The following PAK3 variants were observed in gnomAD, a reference collection of about 807,000 sequenced individuals.
The protein encoded by PAK3 is serine/threonine-protein kinase PAK 3.
Under a neutral mutation model 41.0 loss-of-function variants are expected in PAK3, and 4 were observed. That is an observed-to-expected ratio of 0.10 (90% CI 0.05 to 0.22). The LOEUF (loss-of-function observed/expected upper bound fraction) is 0.22, where lower values mean the gene tolerates loss of function less well. Ranked by LOEUF, PAK3 falls within the 10% of genes least tolerant of loss-of-function variation. PAK3 has a pLI of 1.00. For synonymous variants in PAK3, 146 were observed against 139.6 expected, an observed-to-expected ratio of 1.05 and a Z score of -0.32; for missense variants, 205 against 409.9, an observed-to-expected ratio of 0.50 and a Z score of 4.32.
intron 4 of PAK3, among the ~76,000 whole-genome samples, chrX:111,118,583 T>G (rs2093511130): frequency 9.0e-6 from 1 of 111,243 alleles, no homozygotes; most frequent in African/African-American, 3.3e-5. Context: ...CCTTGGTGTG[T>G]GCTCAGATTT....
At chrX:111,096,088 T>C (rs1195854732), upstream of PAK3, among the ~76,000 whole-genome samples, 1 of 111,459 alleles carries the variant, frequency 9.0e-6, no homozygotes, top group Non-Finnish European at 1.9e-5. Flanking sequence ...CTCAGGGCGA[T>C]TTTAGTTTTA....
At chrX:111,015,965 T>C (rs1365342539) in intron 1 of PAK3, among the ~76,000 whole-genome samples, 5 of 112,325 alleles carry the variant, frequency 4.5e-5, no homozygotes, top group Non-Finnish European at 7.5e-5. Flanking sequence ...TTAAGTTCAA[T>C]GTAGTCATAT....
At chrX:111,155,892 T>C (rs993065511) in intron 8 of PAK3, among the ~76,000 whole-genome samples, 12 of 111,686 alleles carry the variant, frequency 1.1e-4, no homozygotes, top group African/African-American at 3.3e-4. Flanking sequence ...AGGAAATAAG[T>C]CTTGAAGGTT....
intron 4 of PAK3, among the ~76,000 whole-genome samples, chrX:111,116,311 C>T (rs1381278597): frequency 1.8e-5 from 2 of 111,233 alleles, no homozygotes; most frequent in Non-Finnish European, 3.8e-5. Flanking sequence ...ATATTTCTAC[C>T]TCTATTCTTT....
chrX:111,151,286 G>A (rs143622322), intron 7 of PAK3, among the ~76,000 whole-genome samples: 24 of 112,544 alleles, frequency 2.1e-4, no homozygotes, highest in African/African-American at 7.4e-4. Flanking sequence ...ATCAGAGTTT[G>A]TTCTTTACTC....
At chrX:111,089,764 G>A (rs1432416518) in intron 1 of PAK3, among the ~76,000 whole-genome samples, 2 of 111,006 alleles carry the variant, frequency 1.8e-5, no homozygotes, top group Non-Finnish European at 3.8e-5. Flanking sequence ...TACAGCTGGA[G>A]TGTGACAATC....
intron 1 of PAK3, among the ~76,000 whole-genome samples, chrX:110,974,449 G>C (rs1054336730): frequency 2.7e-5 from 3 of 111,833 alleles, no homozygotes; most frequent in Non-Finnish European, 5.6e-5. Context: ...AACAGGCTCT[G>C]AAATTGAGGC....
chrX:111,141,747 T>A (rs2093876004), intron 5 of PAK3, among the ~76,000 whole-genome samples: 1 of 112,260 alleles, frequency 8.9e-6, no homozygotes, highest in South Asian at 3.7e-4. Context: ...GCTTGACTTG[T>A]ATATGATGAA....
chrX:111,106,266 G>A (rs1441308130), intron 4 of PAK3, among the ~76,000 whole-genome samples: 2 of 111,819 alleles, frequency 1.8e-5, no homozygotes, highest in Admixed American at 1.9e-4. Context: ...ATAATGACAT[G>A]CACAGTCACT....
At chrX:111,084,735 C>T (rs1372684934) in intron 1 of PAK3, among the ~76,000 whole-genome samples, 1 of 112,316 alleles carries the variant, frequency 8.9e-6, no homozygotes, top group Non-Finnish European at 1.9e-5. Context: ...ACAGCTGAGT[C>T]ATCCAGCCTC....
In PAK3 at chrX:110,979,291, C is replaced by CTTTTTTTTT; in HGVS notation, c.-28+34667_-28+34668insTTTTTTTTT. Reference sequence around the variant, plus strand: ...CTTGTTTTATTCATTTTCTCTATTACTTTTCTTTTTTTTTTTTTTTTTTTT... The same window carrying CTTTTTTTTT: ...CTTGTTTTATTCATTTTCTCTATTACTTTTTTTTTTTTTCTTTTTTTTTTTTTTTTTTTT... On this transcript the variant is annotated intron_variant, in intron 1 of 14. Transcript: ENST00000425146. 3.0e-4 allele frequency among the ~76,000 whole-genome samples: 6 copies of CTTTTTTTTT among 19,827 alleles called. 1 individual carries two copies. Among genetic ancestry groups the CTTTTTTTTT allele is most frequent in the Non-Finnish European group, 5.2e-4 (3 of 5,822 alleles). 17.2% of individuals were successfully genotyped at this position (19,827 alleles called of 115,157 possible).
rs2094694372 is a variant in PAK3, at chrX:111,202,428, A to T, written c.1407+5788A>T. Reference sequence around the variant, plus strand: ...TTGTACTCAACATAATTGGCCTTGGACATGTTGTTCTGTGACCTATAGACA... The same window carrying T: ...TTGTACTCAACATAATTGGCCTTGGTCATGTTGTTCTGTGACCTATAGACA... On this transcript the variant is annotated intron_variant, in intron 16 of 17. Transcript: ENST00000372007. 1.8e-5 allele frequency among the ~76,000 whole-genome samples: 2 copies of T among 111,216 alleles called. 1 individual carries two copies. The highest frequency in any genetic ancestry group is 1.9e-4 in the Admixed American group (2 of 10,396).
intron 1 of PAK3, among the ~76,000 whole-genome samples, chrX:111,087,951 C>A (rs904995364): frequency 4.0e-4 from 44 of 109,819 alleles, no homozygotes; most frequent in Non-Finnish European, 7.8e-4. Context: ...AGAATAACCA[C>A]AAGCCTGTGG....
At chrX:111,083,929 G>T (rs1271718266) in intron 1 of PAK3, among the ~76,000 whole-genome samples, 1 of 112,720 alleles carries the variant, frequency 8.9e-6, no homozygotes, top group African/African-American at 3.2e-5. Flanking sequence ...ATTGAACAGA[G>T]AGTGGTGATC....
At chrX:110,987,642 C>T (rs1237342732) in intron 1 of PAK3, among the ~76,000 whole-genome samples, 1 of 111,796 alleles carries the variant, frequency 8.9e-6, no homozygotes, top group African/African-American at 3.3e-5. Context: ...AATAGACCCA[C>T]ATATGCTTTG....
chrX:110,989,495 T>G (rs1434983100), intron 1 of PAK3, among the ~76,000 whole-genome samples: 1 of 111,979 alleles, frequency 8.9e-6, no homozygotes, highest in African/African-American at 3.2e-5. Context: ...TGTAAAATCT[T>G]GTAATTTTTC....
chrX:110,989,890 A>G (rs2091612367), intron 1 of PAK3, among the ~76,000 whole-genome samples: 3 of 111,665 alleles, frequency 2.7e-5, no homozygotes, highest in African/African-American at 9.8e-5. Context: ...CAGACGCATC[A>G]CCACCCATCT....
At chrX:111,191,695 A>G (rs1184778349) in intron 11 of PAK3, among the ~76,000 whole-genome samples, 1 of 112,257 alleles carries the variant, frequency 8.9e-6, no homozygotes, top group Non-Finnish European at 1.9e-5. Context: ...TCTTCAGTTT[A>G]ATGAAAGGCC....
intron 1 of PAK3, among the ~76,000 whole-genome samples, chrX:111,002,250 C>G (rs1035701882): frequency 1.8e-5 from 2 of 111,472 alleles, no homozygotes; most frequent in African/African-American, 6.5e-5. Flanking sequence ...TGTTGATATC[C>G]CCATTTTAAA....
Sources: gnomAD v4.1 joint callset for allele counts (sites outside exome capture counted in the v4.1 genomes callset) on GRCh38, gnomAD v4.1.1 for gene constraint, MANE v1.5 for transcripts, NCBI Gene and HGNC (gene_info 2026-07-23, HGNC 2026-07-21) for gene names.